The following TMEM132D variants were observed in gnomAD, a reference collection of about 807,000 sequenced individuals.
The protein encoded by TMEM132D is mature OL transmembrane protein.
In TMEM132D, 21 loss-of-function variants were observed where a neutral mutation model predicts 62.3. The ratio of observed to expected loss-of-function variants is 0.34; its 90% CI spans 0.24 to 0.49. TMEM132D has a LOEUF of 0.49. Among genes scored for constraint, TMEM132D ranks in the 20% least tolerant of loss-of-function variants. The probability of loss-of-function intolerance (pLI) is 0.99; values close to 1 mark genes in which losing one functional copy is unlikely to be tolerated. For missense variants in TMEM132D, 1,346 were observed against 1,402.8 expected (o/e 0.96, Z 0.65); for synonymous variants, 621 against 575.6 (o/e 1.08, Z -1.13).
chr12:129,680,688 T>G (rs1406701911), intron 2 of TMEM132D, among the ~76,000 whole-genome samples: 1 of 152,086 alleles, frequency 6.6e-6, no homozygotes, highest in African/African-American at 2.4e-5. Context: ...AAGAAGAACT[T>G]TAGTATCGGT....
At chr12:129,845,316 AG>A (rs1194394572) in intron 1 of TMEM132D, among the ~76,000 whole-genome samples, 1 of 152,224 alleles carries the variant, frequency 6.6e-6, no homozygotes, top group Non-Finnish European at 1.5e-5. Context: ...ATAGCCTAAG[AG>A]GAACTTCTAA....
At chr12:129,513,609 C>T (rs1428370265) in intron 3 of TMEM132D, among the ~76,000 whole-genome samples, 2 of 150,780 alleles carry the variant, frequency 1.3e-5, no homozygotes, top group Admixed American at 6.6e-5. Flanking sequence ...CTCAGCCTCC[C>T]GAGTAGCTGG....
At position 129,867,520 on chromosome 12, in the gene TMEM132D, G is replaced by A. The variant is rs114261105; in HGVS notation, c.79+35741C>T. ...GCCAGATGAGCAAGTTCTAGAGTTC[G>A]AATGAACCGCAGAAGGACTAAAATT... On this transcript the variant is annotated intron_variant, in intron 1 of 8. Transcript: ENST00000422113. The surrounding 1 kb of genome is among the most constrained non-coding windows in gnomAD (Gnocchi z 4.5). Among the ~76,000 whole-genome samples the A allele has an allele frequency of 3.5e-3, 529 of 152,244 alleles. 1 individual carries two copies. Among genetic ancestry groups the A allele is most frequent in the African/African-American group, 0.011 (476 of 41,530 alleles).
At chr12:129,505,203 A>G (rs1026227321) in intron 3 of TMEM132D, among the ~76,000 whole-genome samples, 19 of 151,658 alleles carry the variant, frequency 1.3e-4, no homozygotes, top group African/African-American at 4.1e-4. Context: ...GTTGGGTAGA[A>G]TGTTCTGTAA....
Position 129,082,048 on chromosome 12 carries a change from T to C in TMEM132D, c.1650-16A>G, listed in dbSNP as rs2135616946. The C allele has an allele frequency of 6.3e-7, 1 of 1,585,864 alleles. No homozygotes were observed. The highest frequency in any genetic ancestry group is 8.6e-7 in the Non-Finnish European group (1 of 1,163,824). On this transcript the variant is annotated splice_polypyrimidine_tract_variant and intron_variant, in intron 6 of 8. Coordinates refer to ENST00000422113, the MANE Select transcript of TMEM132D (RefSeq NM_133448.3). The stretch of plus-strand genomic sequence containing the variant: ...CCCGGCAGGCCTGTGAAAGAAGCAG[T>C]GCAGTTTGCAGACAGTTACTTGTTG...
intron 3 of TMEM132D, among the ~76,000 whole-genome samples, chr12:129,415,816 T>C (rs1872103508): frequency 6.6e-6 from 1 of 152,210 alleles, no homozygotes; most frequent in Non-Finnish European, 1.5e-5. Flanking sequence ...CAGACTGGCA[T>C]GGTGGCTGAC....
chr12:129,163,022 G>A (rs917162000), intron 5 of TMEM132D, among the ~76,000 whole-genome samples: 2 of 152,162 alleles, frequency 1.3e-5, no homozygotes, highest in African/African-American at 4.8e-5. Flanking sequence ...TGCAACAGCA[G>A]CAGGGAACCT....
rs114401088 is a variant in TMEM132D, at chr12:129,666,250, A to G, written c.968+33560T>C. ...ACCCTGAGCCAGTAACCAGATTAAG[A>G]AACTGGCAAATGAAAAATCTTACAA... On this transcript the variant is annotated intron_variant, in intron 2 of 8. Transcript: ENST00000422113. Among the ~76,000 whole-genome samples, 1,040 of 152,300 alleles carry G rather than the reference A, an allele frequency of 6.8e-3. 11 individuals carry two copies. The highest frequency in any genetic ancestry group is 0.024 in the African/African-American group (978 of 41,566).
At chr12:129,714,950 G>C (rs550259174) in intron 1 of TMEM132D, among the ~76,000 whole-genome samples, 2 of 152,154 alleles carry the variant, frequency 1.3e-5, no homozygotes, top group African/African-American at 2.4e-5. Context: ...CTAACAATGC[G>C]TAAGCCGCTC....
chr12:129,408,077 C>G (rs1871850437), intron 3 of TMEM132D, among the ~76,000 whole-genome samples: 1 of 152,078 alleles, frequency 6.6e-6, no homozygotes, highest in African/African-American at 2.4e-5. Flanking sequence ...GTATTAGAAT[C>G]TAAGTGATCT....
chr12:129,524,513 T>C (rs1209567171), intron 3 of TMEM132D, among the ~76,000 whole-genome samples: 1 of 152,214 alleles, frequency 6.6e-6, no homozygotes, highest in East Asian at 1.9e-4. Flanking sequence ...CACAACTTTT[T>C]AAAATTAATT....
At chr12:129,078,764 G>C (rs1258526489) in intron 7 of TMEM132D, 39 bp from the exon 8 acceptor site, 1 of 1,601,424 alleles carries the variant, frequency 6.2e-7, no homozygotes, top group Admixed American at 1.7e-5. Context: ...AAGGCTTTCT[G>C]TGGTCCAGGC....
intron 3 of TMEM132D, among the ~76,000 whole-genome samples, chr12:129,370,790 T>C (rs1466720330): frequency 2.6e-5 from 4 of 152,120 alleles, no homozygotes; most frequent in Non-Finnish European, 5.9e-5. Flanking sequence ...GAAAGACAAA[T>C]ATTGTGTGTT....
At chr12:129,897,565 T>C (rs1421326356) in intron 1 of TMEM132D, among the ~76,000 whole-genome samples, 2 of 151,458 alleles carry the variant, frequency 1.3e-5, no homozygotes, top group Non-Finnish European at 2.9e-5. Flanking sequence ...AGGAGGAAAA[T>C]AAAAATAAAA....
intron 5 of TMEM132D, among the ~76,000 whole-genome samples, chr12:129,207,842 T>C (rs934315424): frequency 3.9e-5 from 6 of 152,356 alleles, no homozygotes; most frequent in Middle Eastern, 3.4e-3. Flanking sequence ...TTCATAAAAT[T>C]TGTGGAGATC....
chr12:129,260,678 C>T (rs1380412536), intron 4 of TMEM132D, among the ~76,000 whole-genome samples: 1 of 152,172 alleles, frequency 6.6e-6, no homozygotes, highest in Non-Finnish European at 1.5e-5. Context: ...CAACCTTTCC[C>T]TGTGAGTTCC....
chr12:129,824,542 G>A (rs549188411), intron 1 of TMEM132D, among the ~76,000 whole-genome samples: 5 of 152,022 alleles, frequency 3.3e-5, no homozygotes, highest in South Asian at 4.2e-4. Flanking sequence ...AGGTCACAAC[G>A]GTGGGGGCCC....
chr12:129,458,424 G>A (rs137934351), intron 3 of TMEM132D, among the ~76,000 whole-genome samples: 1 of 148,694 alleles, frequency 6.7e-6, no homozygotes, highest in East Asian at 2.0e-4. Flanking sequence ...CTTTTAGATA[G>A]AGTTTAAGTT....
intron 5 of TMEM132D, among the ~76,000 whole-genome samples, chr12:129,207,638 A>G (rs1194840424): frequency 6.6e-6 from 1 of 152,168 alleles, no homozygotes; most frequent in Non-Finnish European, 1.5e-5. Flanking sequence ...GCCAGAGTGG[A>G]GGCAGCCAGA....
Sources: allele counts gnomAD v4.1 joint callset (sites outside exome capture counted in the v4.1 genomes callset), GRCh38; gene constraint gnomAD v4.1.1; non-coding constraint Gnocchi (gnomAD v3.1); transcripts MANE v1.5; gene names NCBI Gene and HGNC (gene_info 2026-07-23, HGNC 2026-07-21).